SUZ12: variants seen among roughly 807,000 people sequenced by gnomAD.
The protein encoded by SUZ12 is SUZ12 polycomb repressive complex 2 subunit.
Under a neutral mutation model 87.3 loss-of-function variants are expected in SUZ12, and 17 were observed. The ratio of observed to expected loss-of-function variants is 0.19; its 90% CI spans 0.13 to 0.29. The LOEUF is 0.29. SUZ12 is among the 10% of genes least tolerant of loss of function. The pLI, the probability that SUZ12 is intolerant of heterozygous loss-of-function variation, is 1.00. For missense variants in SUZ12, 526 were observed against 912.2 expected, an observed-to-expected ratio of 0.58 and a Z score of 5.45; for synonymous variants, 253 against 312.4, an observed-to-expected ratio of 0.81 and a Z score of 2.01.
intron 14 of SUZ12, among the ~76,000 whole-genome samples, chr17:31,996,153 T>A (rs534003895): frequency 1.3e-5 from 2 of 152,144 alleles, no homozygotes; most frequent in South Asian, 4.1e-4. Flanking sequence ...GAGGTTGCAG[T>A]GAGCCAAGAT....
chr17:31,983,927 T>G (rs1909264280), intron 9 of SUZ12, among the ~76,000 whole-genome samples: 2 of 152,208 alleles, frequency 1.3e-5, no homozygotes, highest in South Asian at 2.1e-4. Context: ...CTTAAATAGG[T>G]AGATTCAAAA....
chr17:31,963,498 TGTTTTGTTTTG>T (rs774961166), intron 4 of SUZ12, among the ~76,000 whole-genome samples: 5,892 of 112,874 alleles, frequency 0.052, no homozygotes, highest in African/African-American at 0.17. Flanking sequence ...GTATTTTTTT[TGTTTTGTTTTG>T]TTTTTTGAGA....
intron 6 of SUZ12, among the ~76,000 whole-genome samples, chr17:31,974,197 G>C (rs2142176019): frequency 6.6e-6 from 1 of 150,404 alleles, no homozygotes; most frequent in East Asian, 1.9e-4. Context: ...GCGACAGAGT[G>C]AAACTGTCTC....
chr17:31,968,532 C>T (rs1038785194), intron 5 of SUZ12, among the ~76,000 whole-genome samples: 82 of 152,254 alleles, frequency 5.4e-4, no homozygotes, highest in Non-Finnish European at 8.7e-4. Context: ...GAGACTGGCC[C>T]TAGTTAGGGT....
chr17:31,999,675 T>C lies in SUZ12; in HGVS notation c.*672T>C, dbSNP rs148348149. 134 of 232,202 alleles carry C rather than the reference T, an allele frequency of 5.8e-4. 1 individual carries two copies. The East Asian group carries it at 7.8e-3, about 14-fold the overall frequency. 14.4% of individuals were successfully genotyped at this position (232,202 alleles called of 1,614,324 possible). ...TCACATTGTTGACAGTGAAATGCTA[T>C]GTTGGTTTATAAGATTACAGACCAT... On this transcript the variant is annotated 3_prime_UTR_variant, in exon 16 of 16. Transcript: ENST00000322652.
chr17:31,957,928 A>T (rs546601554), intron 4 of SUZ12, among the ~76,000 whole-genome samples: 4 of 93,376 alleles, frequency 4.3e-5, no homozygotes, highest in South Asian at 8.1e-4. Context: ...TTTGAGACAG[A>T]GTCTTGCTCT....
At chr17:31,966,459 T>C in intron 5 of SUZ12, 1 of 339,066 alleles carries the variant, frequency 2.9e-6, no homozygotes. Context: ...GCGATTCTCC[T>C]GCCTCAGCCT....
rs1252541479 is a variant in SUZ12, at chr17:31,994,656, T to C, written c.1530T>C (p.Pro510=). 6.2e-7 allele frequency: 1 copy of C among 1,614,046 alleles called. No individual in the cohort carries two copies. Among genetic ancestry groups the C allele is most frequent in the African/African-American group, 1.3e-5 (1 of 74,930 alleles). Reference sequence around the variant, plus strand: ...ATCCTCAGGATATTCATCGCCAACCTGGATTTGCTTTTAGTCGCAACGGAC... The same window carrying C: ...ATCCTCAGGATATTCATCGCCAACCCGGATTTGCTTTTAGTCGCAACGGAC... The part of the protein sequence containing the change: ...AGNPQDIHRQ[P]GFAFSRNGPV... The change falls in exon 13 of 16, where the codon CCT becomes CCC. Residue 510 remains proline (P), a synonymous_variant. Transcript: ENST00000322652.
intron 8 of SUZ12, among the ~76,000 whole-genome samples, chr17:31,982,429 A>G (rs1382148112): frequency 6.6e-6 from 1 of 152,232 alleles, no homozygotes; most frequent in African/African-American, 2.4e-5. Flanking sequence ...TAGGAGGCCA[A>G]GATGGGTGGA....
At chr17:31,979,091 A>T (rs1908932277) in intron 8 of SUZ12, among the ~76,000 whole-genome samples, 1 of 130,238 alleles carries the variant, frequency 7.7e-6, no homozygotes, top group South Asian at 2.8e-4. Context: ...GGTGACAGCG[A>T]GACTGTGTCT....
rs959652474 is a variant in SUZ12 at position 31,937,186 on chromosome 17, G to T, written c.-61G>T. On this transcript the variant is annotated 5_prime_UTR_variant, in exon 1 of 16. The change creates a new upstream start codon in the 5' untranslated region. Transcript: ENST00000322652. ...GCTGGGGCGAGCGGTTGGTATTGCA[G>T]GCGCTTGCTCTCCGGGGCCGCCCGG... is the stretch of plus-strand genomic sequence containing the variant. The T allele has an allele frequency of 7.3e-7, 1 of 1,366,304 alleles. No individual in the cohort carries two copies. The highest frequency in any genetic ancestry group is 1.7e-5 in the South Asian group (1 of 59,118). The allele number at this position is 1,366,304 out of a possible 1,614,324, so 84.6% of individuals were successfully genotyped here.
intron 5 of SUZ12, among the ~76,000 whole-genome samples, chr17:31,968,771 T>C (rs1908241781): frequency 6.6e-6 from 1 of 152,142 alleles, no homozygotes; most frequent in Non-Finnish European, 1.5e-5. Context: ...CTTCAGAAAC[T>C]TATAATTTGA....
At chr17:31,956,952 T>A (rs1344015769) in intron 4 of SUZ12, among the ~76,000 whole-genome samples, 1 of 152,076 alleles carries the variant, frequency 6.6e-6, no homozygotes, top group African/African-American at 2.4e-5. Flanking sequence ...ATGTTTGTAT[T>A]TTTAGTAGAG....
chr17:31,968,489 C>T (rs576838120), intron 5 of SUZ12, among the ~76,000 whole-genome samples: 44 of 152,186 alleles, frequency 2.9e-4, no homozygotes, highest in Non-Finnish European at 3.1e-4. Context: ...ACCTCAGTCT[C>T]CCAAAGTGCG....
rs190404817 is a variant in SUZ12 at position 31,956,560 on chromosome 17, T to C, written c.455+8875T>C. Among the ~76,000 whole-genome samples, 212 of 152,284 alleles carry C rather than the reference T, an allele frequency of 1.4e-3. 1 individual carries two copies. Among genetic ancestry groups the C allele is most frequent in the Admixed American group, 6.3e-3 (97 of 15,276 alleles). ...TCTAACATTAGACCAGTAGTACATA[T>C]GATGGTTAGGATTGTAATCTGAGTT... On this transcript the variant is annotated intron_variant, in intron 4 of 15. Coordinates refer to ENST00000322652, the MANE Select transcript of SUZ12 (RefSeq NM_015355.4).
At chr17:31,993,474 T>A in intron 11 of SUZ12, 141 bp downstream of exon 11, 1 of 640,846 alleles carries the variant, frequency 1.6e-6, no homozygotes, top group Non-Finnish European at 2.7e-6. Context: ...CAGGCTGGAG[T>A]GCAGTGGTGC....
intron 6 of SUZ12, 66 bp from the exon 7 acceptor site, chr17:31,975,416 A>G: frequency 8.9e-7 from 1 of 1,127,216 alleles, no homozygotes; most frequent in Non-Finnish European, 1.2e-6. Flanking sequence ...TGTGATTAGA[A>G]GTTTTATTAT....
At chr17:31,943,611 G>A (rs906746852) in intron 3 of SUZ12, among the ~76,000 whole-genome samples, 2 of 152,022 alleles carry the variant, frequency 1.3e-5, no homozygotes, top group Admixed American at 6.6e-5. Context: ...AAAAACAGGC[G>A]ATAGGCCAGA....
chr17:31,986,056 C>T (rs1301149045), intron 9 of SUZ12, among the ~76,000 whole-genome samples: 4 of 152,036 alleles, frequency 2.6e-5, no homozygotes, highest in Non-Finnish European at 5.9e-5. Flanking sequence ...GCAACCTCTG[C>T]CTCCTGGGTT....
Sources: allele counts gnomAD v4.1 joint callset (sites outside exome capture counted in the v4.1 genomes callset), GRCh38; gene constraint gnomAD v4.1.1; transcripts MANE v1.5; gene names NCBI Gene and HGNC (gene_info 2026-07-23, HGNC 2026-07-21).